IL2RB: variants seen among roughly 807,000 people sequenced by gnomAD.
IL2RB encodes the protein interleukin 2 receptor subunit beta, also known as interleukin-2 receptor subunit beta.
A neutral mutation model predicts 44.2 loss-of-function variants in IL2RB; 17 were observed. That is an observed-to-expected ratio of 0.38 (90% CI 0.26 to 0.58). The LOEUF (loss-of-function observed/expected upper bound fraction) is 0.58, where lower values mean the gene tolerates loss of function less well. Ranked by LOEUF, IL2RB falls within the 20% of genes least tolerant of loss-of-function variation. IL2RB has a pLI of 0.63. For synonymous variants in IL2RB, 286 were observed against 297.9 expected (o/e 0.96, Z 0.41); for missense variants, 624 against 685.5 (o/e 0.91, Z 1.00).
At chr22:37,130,410 C>T (rs1267813059) in intron 9 of IL2RB, among the ~76,000 whole-genome samples, 1 of 152,248 alleles carries the variant, frequency 6.6e-6, no homozygotes, top group African/African-American at 2.4e-5. Flanking sequence ...GCCCCTCACA[C>T]ATACTCCCAC....
At chr22:37,151,644 T>C (rs1338056114), upstream of IL2RB, among the ~76,000 whole-genome samples, 2 of 152,236 alleles carry the variant, frequency 1.3e-5, no homozygotes, top group African/African-American at 4.8e-5. Context: ...CCTAGTCCCA[T>C]GTCCTAAAGA....
At chr22:37,174,455 T>C (rs1165950111) in intron 1 of IL2RB, among the ~76,000 whole-genome samples, 1 of 152,172 alleles carries the variant, frequency 6.6e-6, no homozygotes, top group African/African-American at 2.4e-5. Flanking sequence ...CCATTTGATA[T>C]TGGAGGACCA....
chr22:37,139,922 C>G (rs1921883552), intron 4 of IL2RB, among the ~76,000 whole-genome samples: 1 of 152,236 alleles, frequency 6.6e-6, no homozygotes, highest in Non-Finnish European at 1.5e-5. Flanking sequence ...TAAACCCAGG[C>G]CCTCTGTGTC....
chr22:37,167,201 C>T (rs149985250), intron 1 of IL2RB, among the ~76,000 whole-genome samples: 1,586 of 152,250 alleles, frequency 0.01, 31 homozygotes, highest in African/African-American at 0.036. Context: ...GGACAGCCTC[C>T]GACCCACCCT....
chr22:37,170,085 GAAGA>G (rs879618539), intron 1 of IL2RB, among the ~76,000 whole-genome samples: 20,009 of 83,756 alleles, frequency 0.24, 1,513 homozygotes, highest in East Asian at 0.33. Flanking sequence ...GAGAAGGAAG[GAAGA>G]ATGGATGGAT....
chr22:37,139,889 T>G (rs932598940), intron 4 of IL2RB, among the ~76,000 whole-genome samples: 1 of 152,206 alleles, frequency 6.6e-6, no homozygotes, highest in Non-Finnish European at 1.5e-5. Context: ...GTCATGCAGA[T>G]GAACAGCAGG....
chr22:37,143,334 G>A (rs1043920128), intron 3 of IL2RB, among the ~76,000 whole-genome samples, 187 bp downstream of exon 3: 13 of 152,104 alleles, frequency 8.5e-5, no homozygotes, highest in Admixed American at 2.0e-4. Context: ...CTAAATAGCT[G>A]ACTCCCAAAT....
intron 3 of IL2RB, 37 bp downstream of exon 3, chr22:37,143,484 C>A (rs1289085246): frequency 7.4e-7 from 1 of 1,360,484 alleles, no homozygotes; most frequent in South Asian, 1.2e-5. Context: ...TGAGATCCCA[C>A]CATCCTAAGA....
In IL2RB at chr22:37,128,832, G is replaced by A; in HGVS notation, c.920C>T (p.Pro307Leu). The change falls in exon 10 of 10, where the codon CCC becomes CTC. Residue 307 changes from proline (P) to leucine (L), a missense_variant. Around this residue, in one of 3 missense-constraint regions of IL2RB, gnomAD observed 255 missense variants for 339.9 expected, o/e 0.75. Coordinates refer to ENST00000216223, the MANE Select transcript of IL2RB (RefSeq NM_000878.5). This position sits in a 1 kb window ranked among gnomAD's most constrained non-coding sequence, Gnocchi z 4.5. ...GGDVQKWLSS[P>L]FPSSSFSPGG... is the part of the protein sequence containing the mutation. ...AGGGCTGAAGGACGATGAGGGGAAG[G>A]GCGAAGAGAGCCACTTCTGGTGGGA... 1.2e-6 allele frequency: 2 copies of A among 1,604,882 alleles called. No homozygotes were observed. The highest frequency in any genetic ancestry group is 1.7e-6 in the Non-Finnish European group (2 of 1,173,000).
rs1601593828 is a variant in IL2RB at position 37,128,802 on chromosome 22, C to A, written c.950G>T (p.Gly317Val). 1 of 1,612,614 alleles carries A rather than the reference C, an allele frequency of 6.2e-7. No individual in the cohort carries two copies. ...TAGTGGCGAGATCTCAGGTGCCAGG[C>A]CGCCAGGGCTGAAGGACGATGAGGG... ...PFPSSSFSPG[G>V]LAPEISPLEV... The change falls in exon 10 of 10, where the codon GGC (glycine) becomes GTC (valine). Residue 317 changes from glycine (G) to valine (V), a missense_variant. Gly to Val is a moderately radical substitution (Grantham distance 109, BLOSUM62 -3). Around this residue, in one of 3 missense-constraint regions of IL2RB, gnomAD observed 255 missense variants for 339.9 expected, o/e 0.75. Transcript: ENST00000216223. This position sits in a 1 kb window ranked among gnomAD's most constrained non-coding sequence, Gnocchi z 4.5.
intron 1 of IL2RB, among the ~76,000 whole-genome samples, 198 bp downstream of exon 1, chr22:37,149,627 G>A (rs1363176537): frequency 2.6e-5 from 4 of 152,172 alleles, no homozygotes; most frequent in African/African-American, 4.8e-5. Context: ...ACTGGGGACC[G>A]CTTTTTCCTC....
In IL2RB at chr22:37,174,246, C is replaced by CT. The variant is rs111552684; in HGVS notation, c.-34+711dup. ...AAGGGTTCGTCGCTGGGTTTTGAGACTTTTTTCCATGAAGCTGAAGGCCAA... is the reference window on the plus strand; with the variant it reads ...AAGGGTTCGTCGCTGGGTTTTGAGACTTTTTTTCCATGAAGCTGAAGGCCAA... On this transcript the variant is annotated intron_variant, in intron 1 of 5. Transcript: ENST00000429622. Among the ~76,000 whole-genome samples, 380 of 152,316 alleles carry CT rather than the reference C, an allele frequency of 2.5e-3. 2 individuals are homozygous for CT. Among genetic ancestry groups the CT allele is most frequent in the African/African-American group, 8.8e-3 (365 of 41,552 alleles).
chr22:37,162,175 G>A (rs1253323327), intron 1 of IL2RB, among the ~76,000 whole-genome samples: 1 of 152,212 alleles, frequency 6.6e-6, no homozygotes, highest in East Asian at 1.9e-4. Context: ...ACCACGTTGG[G>A]TGATGGCGAT....
At chr22:37,156,891 C>T (rs933023349) in intron 1 of IL2RB, among the ~76,000 whole-genome samples, 4 of 152,182 alleles carry the variant, frequency 2.6e-5, no homozygotes, top group African/African-American at 9.7e-5. Context: ...CACTGTCACC[C>T]ACCCTCAAGT....
chr22:37,128,501 G>A lies in IL2RB; in HGVS notation c.1251C>T (p.Ala417=). The change falls in exon 10 of 10, where the codon GCC becomes GCT. Residue 417 remains alanine (A), a synonymous_variant. Coordinates refer to ENST00000216223, the MANE Select transcript of IL2RB (RefSeq NM_000878.5). This position sits in a 1 kb window ranked among gnomAD's most constrained non-coding sequence, Gnocchi z 4.5. ...CATCCCTGGAGGGGAAGGTGCAGTA[G>A]GCGTCGTCCTCCCCTGACAGAGGCT... is the stretch of plus-strand genomic sequence containing the variant. The part of the protein sequence containing the change: ...PLQPLSGEDD[A]YCTFPSRDDL... 1 of 1,609,054 alleles carries A rather than the reference G, an allele frequency of 6.2e-7. No individual in the cohort carries two copies.
At chr22:37,136,088 G>A (rs1029194387) in intron 7 of IL2RB, 140 bp downstream of exon 7, 2 of 889,566 alleles carry the variant, frequency 2.2e-6, no homozygotes, top group South Asian at 1.7e-5. Flanking sequence ...TGAAAAGCGA[G>A]CCCCCTGCAG....
At position 37,132,389 on chromosome 22, in the gene IL2RB, C is replaced by T. The variant is rs761168524; in HGVS notation, c.898G>A (p.Val300Ile). The T allele has an allele frequency of 1.5e-5, 24 of 1,613,684 alleles. No individual in the cohort carries two copies. The highest frequency in any genetic ancestry group is 3.3e-5 in the Admixed American group (2 of 59,992). Residue 300 changes from valine to isoleucine, a missense_variant, in exon 9 of 10, where the codon GTC (valine) becomes ATC (isoleucine). Physicochemically the swap from Val to Ile is conservative, Grantham distance 29. This residue lies in a region of IL2RB where 255 missense variants were observed against 339.9 expected (regional missense o/e 0.75). Coordinates refer to ENST00000216223, the MANE Select transcript of IL2RB (RefSeq NM_000878.5). The stretch of plus-strand genomic sequence containing the variant: ...TCCCCGCCCCGGCCTCCTACCTGGA[C>T]GTCTCCTCCATGCTCTGAGCTCAGC... ...SQLSSEHGGD[V>I]QKWLSSPFPS...
upstream of IL2RB, among the ~76,000 whole-genome samples, chr22:37,152,110 T>C (rs566468113): frequency 6.6e-6 from 1 of 152,362 alleles, no homozygotes; most frequent in East Asian, 1.9e-4. Flanking sequence ...GTGAAGAATG[T>C]CATTAGTATT....
chr22:37,132,360 T>C, intron 9 of IL2RB, 24 bp downstream of exon 9: 1 of 1,601,292 alleles, frequency 6.2e-7, no homozygotes, highest in Non-Finnish European at 8.6e-7. Flanking sequence ...TGCCCACCTC[T>C]GTCTCCCCGC....
Sources: allele counts gnomAD v4.1 joint callset (sites outside exome capture counted in the v4.1 genomes callset), GRCh38; gene constraint gnomAD v4.1.1; regional missense constraint gnomAD v4.1.1; non-coding constraint Gnocchi (gnomAD v3.1); transcripts MANE v1.5; gene names NCBI Gene and HGNC (gene_info 2026-07-23, HGNC 2026-07-21).